KHDRBS2: variants seen among roughly 807,000 people sequenced by gnomAD.
KHDRBS2 encodes KH RNA binding domain containing, signal transduction associated 2.
A neutral mutation model predicts 44.3 loss-of-function variants in KHDRBS2; 26 were observed. The ratio of observed to expected loss-of-function variants is 0.59; its 90% CI spans 0.43 to 0.81. KHDRBS2 has a LOEUF of 0.81. Among genes scored for constraint, KHDRBS2 ranks in the 40% least tolerant of loss-of-function variants. The probability of loss-of-function intolerance (pLI) is 0.00; values close to 1 mark genes in which losing one functional copy is unlikely to be tolerated. For missense variants in KHDRBS2, 476 were observed against 433.1 expected (o/e 1.10, Z -0.88); for synonymous variants, 194 against 151.1 (o/e 1.28, Z -2.08).
the KHDRBS2 span, among the ~76,000 whole-genome samples, chr6:61,581,002 T>C: frequency 9.2e-5 from 14 of 152,090 alleles, no homozygotes; most frequent in Non-Finnish European, 1.9e-4. Context: ...TGAAACATAA[T>C]ATAGAAGGTA....
At chr6:61,837,448 G>A (rs1384518752) in intron 6 of KHDRBS2, among the ~76,000 whole-genome samples, 1 of 151,848 alleles carries the variant, frequency 6.6e-6, no homozygotes, top group Non-Finnish European at 1.5e-5. Flanking sequence ...TCAAATTGAA[G>A]GTAAGAAGAG....
At chr6:62,204,028 G>A (rs1343046854) in intron 1 of KHDRBS2, among the ~76,000 whole-genome samples, 1 of 152,052 alleles carries the variant, frequency 6.6e-6, no homozygotes, top group Non-Finnish European at 1.5e-5. Context: ...CATGTGATCT[G>A]CACATCCCAG....
At chr6:61,578,726 T>C in the KHDRBS2 span, among the ~76,000 whole-genome samples, 2 of 152,172 alleles carry the variant, frequency 1.3e-5, no homozygotes, top group Admixed American at 6.5e-5. Flanking sequence ...GTAAAGCGAT[T>C]ATAGTCGGAT....
intron 2 of KHDRBS2, among the ~76,000 whole-genome samples, chr6:62,064,525 T>C (rs1793008426): frequency 1.4e-5 from 2 of 146,668 alleles, no homozygotes; most frequent in African/African-American, 5.0e-5. Flanking sequence ...AAACAAGCAA[T>C]GGGGAAAGGA....
chr6:62,059,202 T>TG, intron 2 of KHDRBS2, among the ~76,000 whole-genome samples: 1 of 92,158 alleles, frequency 1.1e-5, no homozygotes, highest in African/African-American at 4.7e-5. Context: ...TAGGAAGTTT[T>TG]TTTTTTTTTT....
chr6:61,569,724 G>C, the KHDRBS2 span, among the ~76,000 whole-genome samples: 1 of 152,140 alleles, frequency 6.6e-6, no homozygotes, highest in Non-Finnish European at 1.5e-5. Flanking sequence ...ACAGCTAGAA[G>C]ACCTGAAGAC....
At chr6:62,015,542 C>T (rs1192313641) in intron 3 of KHDRBS2, among the ~76,000 whole-genome samples, 2 of 152,076 alleles carry the variant, frequency 1.3e-5, no homozygotes, top group Non-Finnish European at 2.9e-5. Flanking sequence ...ATCAGCCCTC[C>T]ATCTAAAAGT....
At chr6:61,741,122 A>C (rs1195948762) in intron 6 of KHDRBS2, among the ~76,000 whole-genome samples, 1 of 152,038 alleles carries the variant, frequency 6.6e-6, no homozygotes, top group East Asian at 1.9e-4. Flanking sequence ...GGCCTTATTA[A>C]ATCCCCATGC....
At position 62,202,875 on chromosome 6, in the gene KHDRBS2, A is replaced by T. The variant is rs548712608; in HGVS notation, c.92-25563T>A. Among the ~76,000 whole-genome samples the T allele has an allele frequency of 2.0e-5, 3 of 152,272 alleles. No individual in the cohort carries two copies. In the South Asian group the frequency reaches 6.2e-4, roughly 32 times the overall value. On this transcript the variant is annotated intron_variant, in intron 1 of 8. Coordinates refer to ENST00000281156, the MANE Select transcript of KHDRBS2 (RefSeq NM_152688.4). ...CTGTGTGAAAAGGGTATGAAAATTT[A>T]TTCCAGGAAGTAAAAACAGCATGTG...
At chr6:61,807,905 G>A (rs937080565) in intron 6 of KHDRBS2, among the ~76,000 whole-genome samples, 7 of 151,910 alleles carry the variant, frequency 4.6e-5, no homozygotes, top group African/African-American at 2.4e-5. Flanking sequence ...TGTTACATAC[G>A]GAGATTGTAA....
intron 6 of KHDRBS2, among the ~76,000 whole-genome samples, chr6:61,744,172 T>C (rs1776557726): frequency 6.6e-6 from 1 of 152,102 alleles, no homozygotes; most frequent in Admixed American, 6.6e-5. Flanking sequence ...TCTATTATTG[T>C]GTCATGGATG....
chr6:61,613,749 G>T, the KHDRBS2 span, among the ~76,000 whole-genome samples: 10 of 152,126 alleles, frequency 6.6e-5, no homozygotes, highest in African/African-American at 2.4e-4. Flanking sequence ...GAGGAAAGCT[G>T]TTACTGTTCA....
the KHDRBS2 span, among the ~76,000 whole-genome samples, chr6:61,604,995 C>T: frequency 6.6e-5 from 10 of 152,258 alleles, no homozygotes; most frequent in South Asian, 6.2e-4. Flanking sequence ...ATACTCCTTA[C>T]CATCCTCAAT....
At chr6:62,051,088 G>A (rs2127312299) in intron 2 of KHDRBS2, among the ~76,000 whole-genome samples, 1 of 152,148 alleles carries the variant, frequency 6.6e-6, no homozygotes, top group Non-Finnish European at 1.5e-5. Flanking sequence ...CATAAGAGTG[G>A]TTGTCTGTTG....
chr6:61,554,012 A>T, the KHDRBS2 span, among the ~76,000 whole-genome samples: 1 of 152,112 alleles, frequency 6.6e-6, no homozygotes, highest in South Asian at 2.1e-4. Context: ...GATGTCTCTT[A>T]GGTCTATTTT....
chr6:61,777,578 A>G (rs185399612), intron 6 of KHDRBS2, among the ~76,000 whole-genome samples: 22 of 152,304 alleles, frequency 1.4e-4, no homozygotes, highest in Admixed American at 1.3e-3. Flanking sequence ...AGTACAGAGT[A>G]GAATTTTCAA....
At chr6:62,076,063 A>G (rs1796278662) in intron 2 of KHDRBS2, among the ~76,000 whole-genome samples, 1 of 151,922 alleles carries the variant, frequency 6.6e-6, no homozygotes, top group Non-Finnish European at 1.5e-5. Context: ...ACATATCTCA[A>G]TATTGCTTAT....
intron 3 of KHDRBS2, among the ~76,000 whole-genome samples, chr6:61,996,245 T>C (rs1417547695): frequency 5.9e-5 from 9 of 152,206 alleles, no homozygotes; most frequent in Admixed American, 6.5e-5. Flanking sequence ...TTTCAAAAAG[T>C]ATTTACATGA....
intron 4 of KHDRBS2, among the ~76,000 whole-genome samples, chr6:61,944,269 A>T (rs1454431445): frequency 6.6e-6 from 1 of 152,202 alleles, no homozygotes; most frequent in Non-Finnish European, 1.5e-5. Flanking sequence ...AGTGTCCATC[A>T]GTGAACAGAC....
Sources: allele counts gnomAD v4.1 joint callset (sites outside exome capture counted in the v4.1 genomes callset), GRCh38; gene constraint gnomAD v4.1.1; transcripts MANE v1.5; gene names NCBI Gene and HGNC (gene_info 2026-07-23, HGNC 2026-07-21).